POU2F2: variants seen among roughly 807,000 people sequenced by gnomAD.
POU2F2 encodes the protein POU class 2 homeobox 2, also known as POU domain, class 2, transcription factor 2.
In POU2F2, 14 loss-of-function variants were observed where a neutral mutation model predicts 63.5. That is an observed-to-expected ratio of 0.22 (90% confidence interval 0.15 to 0.34). The LOEUF (loss-of-function observed/expected upper bound fraction) is 0.34. POU2F2 is among the 10% of genes least tolerant of loss of function. The probability of loss-of-function intolerance (pLI) is 1.00; values close to 1 mark genes in which losing one functional copy is unlikely to be tolerated. For synonymous variants in POU2F2, 306 were observed against 348.6 expected (o/e 0.88, Z 1.36); for missense variants, 607 against 815.2 (o/e 0.74, Z 3.11).
chr19:42,102,836 A>C (rs2077195604), intron 5 of POU2F2, among the ~76,000 whole-genome samples: 1 of 152,120 alleles, frequency 6.6e-6, no homozygotes, highest in African/African-American at 2.4e-5. Context: ...TTTACGTTTA[A>C]ACATTTCTGA....
intron 1 of POU2F2, among the ~76,000 whole-genome samples, chr19:42,129,493 C>T (rs535103129): frequency 6.6e-6 from 1 of 152,186 alleles, no homozygotes; most frequent in Non-Finnish European, 1.5e-5. Context: ...CATTTCCCCC[C>T]GCCAGTTTTA....
At chr19:42,176,668 C>T (rs1300120392), upstream of POU2F2, among the ~76,000 whole-genome samples, 1 of 150,832 alleles carries the variant, frequency 6.6e-6, no homozygotes, top group Admixed American at 6.6e-5. Flanking sequence ...CCCCCGCCCC[C>T]ACGTACACCT....
intron 5 of POU2F2, among the ~76,000 whole-genome samples, chr19:42,103,627 CTTTTTTTTTTTT>C (rs1001669920): frequency 9.9e-6 from 1 of 100,570 alleles, no homozygotes; most frequent in Middle Eastern, 6.0e-3. Context: ...GGGCTCGTTT[CTTTTTTTTTTTT>C]TTTTTTTTTT....
At chr19:42,172,343 C>T (rs893020138) in intron 1 of POU2F2, among the ~76,000 whole-genome samples, 1 of 152,144 alleles carries the variant, frequency 6.6e-6, no homozygotes, top group African/African-American at 2.4e-5. Flanking sequence ...CAGTGCCTAG[C>T]GATCATTTTC....
In POU2F2 at chr19:42,093,902, A is replaced by G. The variant is rs1324743587; in HGVS notation, c.1198-7T>C. On this transcript the variant is annotated splice_region_variant and splice_polypyrimidine_tract_variant and intron_variant, in intron 11 of 14. Coordinates refer to ENST00000692977, the MANE Select transcript of POU2F2 (RefSeq NM_001394376.1). ...CGCCCCCTTGGGGTGTGACCTGAGG[A>G]GAGAAGAAAGGAGGTGTGGTTAGCC... 1.2e-6 allele frequency: 2 copies of G among 1,606,604 alleles called. No homozygotes were observed. The highest frequency in any genetic ancestry group is 4.5e-5 in the East Asian group (2 of 44,594).
Position 42,169,651 on chromosome 19 carries a change from A to G in POU2F2, c.-70+6312T>C, listed in dbSNP as rs2034718691. On this transcript the variant is annotated intron_variant, in intron 1 of 6. Transcript: ENST00000524801. This position sits in a 1 kb window ranked among gnomAD's most constrained non-coding sequence, Gnocchi z 4.3. The stretch of plus-strand genomic sequence containing the variant: ...TGTATGTCTCTTGCAGGATCATTGC[A>G]TGTGTCTGCATGCTTATGTATTTCA... Among the ~76,000 whole-genome samples, 4 of 152,116 alleles carry G rather than the reference A, an allele frequency of 2.6e-5. 1 individual carries two copies. In the South Asian group the frequency reaches 8.3e-4, roughly 32 times the overall value.
At chr19:42,093,244 A>G (rs570044304) in intron 12 of POU2F2, among the ~76,000 whole-genome samples, 2 of 151,890 alleles carry the variant, frequency 1.3e-5, no homozygotes, top group Non-Finnish European at 2.9e-5. Context: ...TCCTGACCTC[A>G]GGTGATCCAC....
In POU2F2 at chr19:42,153,192, G is replaced by C. The variant is rs2034389312; in HGVS notation, c.-9+7140C>G. ...GGTGTGCGAGCTGCCATGGACGCAG[G>C]GTGTGCATGTGTCCTCAGGCTCTGC... On this transcript the variant is annotated intron_variant, in intron 2 of 6. Transcript: ENST00000524801. This position sits in a 1 kb window ranked among gnomAD's most constrained non-coding sequence, Gnocchi z 5.6. 6.6e-6 allele frequency among the ~76,000 whole-genome samples: 1 copy of C among 152,306 alleles called. No homozygotes were observed. Among genetic ancestry groups the C allele is most frequent in the South Asian group, 2.1e-4 (1 of 4,824 alleles).
chr19:42,165,102 A>C (rs901357640), intron 1 of POU2F2, among the ~76,000 whole-genome samples: 1 of 152,098 alleles, frequency 6.6e-6, no homozygotes, highest in Non-Finnish European at 1.5e-5. Flanking sequence ...TTTGTCTGTA[A>C]TTGACAGACT....
Position 42,091,222 on chromosome 19 carries a change from G to A in POU2F2, c.*35C>T, listed in dbSNP as rs2146274146. On this transcript the variant is annotated 3_prime_UTR_variant, in exon 15 of 15. Transcript: ENST00000692977. ...TTCCCAGGCAAGGGACCAAGGCAGG[G>A]ACCAGAGGAATGGGAGGGGAGGCAT... 2 of 1,504,556 alleles carry A rather than the reference G, an allele frequency of 1.3e-6. No homozygotes were observed. The highest frequency in any genetic ancestry group is 2.0e-5 in the Admixed American group (1 of 49,622). The allele number at this position is 1,504,556 out of a possible 1,614,324, so 93.2% of individuals were successfully genotyped here.
At chr19:42,125,957 G>T (rs1484839812) in intron 1 of POU2F2, among the ~76,000 whole-genome samples, 2 of 152,190 alleles carry the variant, frequency 1.3e-5, no homozygotes. Context: ...GGACCCCACT[G>T]CCAGCCCAGA....
In POU2F2 at chr19:42,099,834, G is replaced by C. The variant is rs560934001; in HGVS notation, c.370-13C>G. On this transcript the variant is annotated splice_polypyrimidine_tract_variant and intron_variant, in intron 5 of 14. Transcript: ENST00000692977. ...GCTGCTGTATGTCCTGGCAGGGAGT[G>C]GGGTGGACAGAAAGATAGCCTGAGT... 6.5e-7 allele frequency: 1 copy of C among 1,550,000 alleles called. No homozygotes were observed. The highest frequency in any genetic ancestry group is 8.7e-7 in the Non-Finnish European group (1 of 1,145,644).
chr19:42,169,374 T>C lies in POU2F2; in HGVS notation c.-70+6589A>G, dbSNP rs895081089. Among the ~76,000 whole-genome samples the C allele has an allele frequency of 2.0e-5, 3 of 152,254 alleles. No homozygotes were observed. Among genetic ancestry groups the C allele is most frequent in the South Asian group, 4.1e-4 (2 of 4,830 alleles). On this transcript the variant is annotated intron_variant, in intron 1 of 6. Transcript: ENST00000524801. This position sits in a 1 kb window ranked among gnomAD's most constrained non-coding sequence, Gnocchi z 4.3. ...TGGTGTTTTGGTGTCTGTCTTGCCC[T>C]GAGAGGTCTCAGCACCTATGTGCCT...
intron 12 of POU2F2, among the ~76,000 whole-genome samples, chr19:42,093,004 T>C (rs1312078443): frequency 1.5e-4 from 15 of 99,220 alleles, no homozygotes; most frequent in Admixed American, 4.2e-4. Flanking sequence ...TATATATATA[T>C]ATATATTTTT....
intron 4 of POU2F2, among the ~76,000 whole-genome samples, chr19:42,119,659 G>A (rs911974331): frequency 2.6e-5 from 4 of 152,134 alleles, no homozygotes; most frequent in Admixed American, 1.3e-4. Flanking sequence ...GCGACAGAGC[G>A]AGACTCCGCC....
chr19:42,180,477 A>G (rs2034948472), upstream of POU2F2, among the ~76,000 whole-genome samples: 1 of 152,190 alleles, frequency 6.6e-6, no homozygotes, highest in Admixed American at 6.5e-5. Context: ...GCAGACTCCC[A>G]GGTCCCTCCA....
chr19:42,105,583 C>T (rs1488445262), intron 5 of POU2F2, among the ~76,000 whole-genome samples: 5 of 152,180 alleles, frequency 3.3e-5, no homozygotes, highest in African/African-American at 1.2e-4. Context: ...TTCTGAATCA[C>T]CAGCGAGAGG....
chr19:42,123,518 T>C (rs1424359252), intron 1 of POU2F2, among the ~76,000 whole-genome samples: 1 of 152,122 alleles, frequency 6.6e-6, no homozygotes, highest in Non-Finnish European at 1.5e-5. Flanking sequence ...TAGCGGTTAG[T>C]GCTAATATTA....
Position 42,117,224 on chromosome 19 carries a change from GTCCCCATCCT to G in POU2F2, c.369+16_369+25del. Reference sequence around the variant, plus strand: ...TGAGGGGTGGCTGGTTTGTCCCCTCGTCCCCATCCTTCCCCAAGTACTTACCCCAGCTAGC... The same window carrying G: ...TGAGGGGTGGCTGGTTTGTCCCCTCGTCCCCAAGTACTTACCCCAGCTAGC... On this transcript the variant is annotated intron_variant, in intron 5 of 14. Transcript: ENST00000692977. The surrounding 1 kb of genome is among the most constrained non-coding windows in gnomAD (Gnocchi z 4.4). 1 of 1,453,248 alleles carries G rather than the reference GTCCCCATCCT, an allele frequency of 6.9e-7. No homozygotes were observed. 90.0% of individuals were successfully genotyped at this position (1,453,248 alleles called of 1,614,324 possible).
Sources: allele counts gnomAD v4.1 joint callset (sites outside exome capture counted in the v4.1 genomes callset), GRCh38; gene constraint gnomAD v4.1.1; non-coding constraint Gnocchi (gnomAD v3.1); transcripts MANE v1.5; gene names NCBI Gene and HGNC (gene_info 2026-07-23, HGNC 2026-07-21).